The following UTRN variants were observed in gnomAD, a reference collection of about 807,000 sequenced individuals.
The protein encoded by UTRN is dystrophin-related protein 1.
Under a neutral mutation model 463.9 loss-of-function variants are expected in UTRN, and 283 were observed. That is an observed-to-expected ratio of 0.61 (90% CI 0.55 to 0.67). UTRN has a LOEUF of 0.67. UTRN is among the 30% of genes least tolerant of loss of function. The pLI is 0.00. For synonymous variants in UTRN, 1,442 were observed against 1,431.5 expected (o/e 1.01, Z -0.17); for missense variants, 3,922 against 4,084.3 (o/e 0.96, Z 1.08).
rs181598038 is a variant in UTRN, at chr6:144,769,280, C to T, written c.8496-2627C>T. On this transcript the variant is annotated intron_variant, in intron 58 of 74. Coordinates refer to ENST00000367545, the MANE Select transcript of UTRN (RefSeq NM_007124.3). Reference sequence around the variant, plus strand: ...TGGATTTTGCTTTAACCCTCTCCCCCGACTTAAAAAAAAAACAGCAGCCAA... The same window carrying T: ...TGGATTTTGCTTTAACCCTCTCCCCTGACTTAAAAAAAAAACAGCAGCCAA... Among the ~76,000 whole-genome samples the T allele has an allele frequency of 3.3e-5, 5 of 151,522 alleles. No individual in the cohort carries two copies. In the East Asian group the frequency reaches 7.7e-4, roughly 23 times the overall value.
chr6:144,438,932 A>G (rs750566279), intron 12 of UTRN, 37 bp downstream of exon 12: 1 of 1,606,650 alleles, frequency 6.2e-7, no homozygotes. Flanking sequence ...ACCTTATCAA[A>G]TATGAAAGAG....
At chr6:144,412,200 CTAT>C (rs1217792186) in intron 3 of UTRN, among the ~76,000 whole-genome samples, 1 of 152,020 alleles carries the variant, frequency 6.6e-6, no homozygotes, top group Non-Finnish European at 1.5e-5. Context: ...TTTAAAACAT[CTAT>C]TATTTGTTTT....
intron 2 of UTRN, among the ~76,000 whole-genome samples, chr6:144,350,997 G>C (rs866487125): frequency 6.6e-6 from 1 of 151,848 alleles, no homozygotes; most frequent in East Asian, 1.9e-4. Context: ...TTACATTTTC[G>C]TATACTGATA....
chr6:144,430,115 G>C (rs572384653), intron 9 of UTRN, among the ~76,000 whole-genome samples: 1 of 151,992 alleles, frequency 6.6e-6, no homozygotes, highest in South Asian at 2.1e-4. Flanking sequence ...AGTACTAATT[G>C]TCTTTCTTTT....
chr6:144,631,080 G>T (rs1291080510), intron 51 of UTRN, among the ~76,000 whole-genome samples: 1 of 152,174 alleles, frequency 6.6e-6, no homozygotes, highest in Non-Finnish European at 1.5e-5. Flanking sequence ...GCAGTGGAAA[G>T]ATCCTTCTCT....
intron 61 of UTRN, among the ~76,000 whole-genome samples, chr6:144,784,425 AT>A (rs1776129060): frequency 6.6e-6 from 1 of 152,296 alleles, no homozygotes; most frequent in South Asian, 2.1e-4. Context: ...GTGTCTTCAC[AT>A]GGTTTTTCCT....
chr6:144,612,709 T>G (rs1302556292), intron 51 of UTRN, among the ~76,000 whole-genome samples: 1 of 152,060 alleles, frequency 6.6e-6, no homozygotes, highest in African/African-American at 2.4e-5. Flanking sequence ...TAACTGGTGT[T>G]GGAGAAGATA....
rs887822712 is a variant in UTRN at position 144,462,712 on chromosome 6, C to T, written c.2912C>T (p.Thr971Ile). 7.5e-6 allele frequency: 12 copies of T among 1,609,494 alleles called. No individual in the cohort carries two copies. The African/African-American group carries it at 1.3e-4, about 18-fold the overall frequency. The change falls in exon 23 of 75, where the codon ACA (threonine) becomes ATA (isoleucine). Residue 971 changes from threonine to isoleucine, a missense_variant. By Grantham distance (89) the Thr-to-Ile change is moderately conservative (BLOSUM62 -1). Transcript: ENST00000367545. Reference protein sequence around the residue: ...KPALHKLAEETKALEKNVHPD... With the variant: ...KPALHKLAEEIKALEKNVHPD... ...GCATTACATAAACTTGCAGAAGAAACAAAGGCTCTGGAGAAAAATGTTCAT... is the reference window on the plus strand; with the variant it reads ...GCATTACATAAACTTGCAGAAGAAATAAAGGCTCTGGAGAAAAATGTTCAT...
intron 52 of UTRN, among the ~76,000 whole-genome samples, chr6:144,684,860 T>C (rs1782586458): frequency 6.6e-6 from 1 of 152,210 alleles, no homozygotes; most frequent in African/African-American, 2.4e-5. Flanking sequence ...TTTACTTATT[T>C]ATTTTTTAAA....
At chr6:144,414,714 CTT>C (rs58980911) in intron 3 of UTRN, among the ~76,000 whole-genome samples, 9 of 142,294 alleles carry the variant, frequency 6.3e-5, no homozygotes, top group African/African-American at 2.1e-4. Flanking sequence ...TGTACTATAT[CTT>C]TTTTTTTTTT....
intron 2 of UTRN, among the ~76,000 whole-genome samples, chr6:144,348,700 C>T (rs1239864359): frequency 6.6e-6 from 1 of 152,012 alleles, no homozygotes; most frequent in South Asian, 2.1e-4. Context: ...TTTGGGAGGC[C>T]GAGGCGGGCA....
intron 17 of UTRN, 58 bp downstream of exon 17, chr6:144,448,827 T>C (rs1171346634): frequency 9.6e-6 from 15 of 1,558,762 alleles, no homozygotes; most frequent in Non-Finnish European, 1.3e-5. Context: ...TATTTTCTAC[T>C]TGGTGCCTAT....
Position 144,771,320 on chromosome 6 carries a change from T to C in UTRN, c.8496-587T>C, listed in dbSNP as rs555007155. Among the ~76,000 whole-genome samples the C allele has an allele frequency of 5.3e-5, 8 of 152,300 alleles. No homozygotes were observed. In the South Asian group the frequency reaches 1.5e-3, roughly 28 times the overall value. On this transcript the variant is annotated intron_variant, in intron 58 of 74. Transcript: ENST00000367545. ...AAAACTTTTGTATAGAGATGAGGTC[T>C]CGCTATGTTGCCAAGCTGGTCTCAA...
At chr6:144,783,349 C>A (rs1025251517) in intron 61 of UTRN, among the ~76,000 whole-genome samples, 1 of 152,136 alleles carries the variant, frequency 6.6e-6, no homozygotes, top group African/African-American at 2.4e-5. Context: ...TGCACACATT[C>A]AGGAGCTGAT....
intron 60 of UTRN, among the ~76,000 whole-genome samples, chr6:144,778,192 T>A (rs1453338757): frequency 6.6e-6 from 1 of 152,100 alleles, no homozygotes; most frequent in Non-Finnish European, 1.5e-5. Flanking sequence ...CTGAGCTGGC[T>A]GGGAGTTGTA....
At chr6:144,814,989 T>A (rs1302155115) in intron 65 of UTRN, among the ~76,000 whole-genome samples, 1 of 152,232 alleles carries the variant, frequency 6.6e-6, no homozygotes, top group African/African-American at 2.4e-5. Context: ...AGAAAAAGCC[T>A]GTTAACACTG....
chr6:144,739,114 A>G (rs973236291), intron 54 of UTRN, among the ~76,000 whole-genome samples: 2 of 152,188 alleles, frequency 1.3e-5, no homozygotes, highest in Non-Finnish European at 2.9e-5. Flanking sequence ...TATATTTAGT[A>G]CATAATATGG....
At position 144,793,728 on chromosome 6, in the gene UTRN, T is replaced by C. The variant is rs937609553; in HGVS notation, c.8921-106T>C. The C allele has an allele frequency of 4.3e-6, 6 of 1,400,842 alleles. No homozygotes were observed. The African/African-American group carries it at 8.7e-5, about 20-fold the overall frequency. 86.8% of individuals were successfully genotyped at this position (1,400,842 alleles called of 1,614,324 possible). On this transcript the variant is annotated intron_variant, in intron 62 of 74. Coordinates refer to ENST00000367545, the MANE Select transcript of UTRN (RefSeq NM_007124.3). ...ACAACGAATCAGATTCATGTCCTTC[T>C]GAAATTTTTTTAATCTGCATGGTTC... is the stretch of plus-strand genomic sequence containing the variant.
At chr6:144,407,853 A>C (rs1016087320) in intron 3 of UTRN, among the ~76,000 whole-genome samples, 3 of 152,346 alleles carry the variant, frequency 2.0e-5, no homozygotes, top group African/African-American at 7.2e-5. Context: ...CATAGTGTAG[A>C]GTAAATTATG....
Sources: allele counts gnomAD v4.1 joint callset (sites outside exome capture counted in the v4.1 genomes callset), GRCh38; gene constraint gnomAD v4.1.1; transcripts MANE v1.5; gene names NCBI Gene and HGNC (gene_info 2026-07-23, HGNC 2026-07-21).